DISC1: variants seen among roughly 807,000 people sequenced by gnomAD.
DISC1 encodes disrupted in schizophrenia 1 protein.
Under a neutral mutation model 84.5 loss-of-function variants are expected in DISC1, and 57 were observed. The ratio of observed to expected loss-of-function variants is 0.67; its 90% CI spans 0.55 to 0.84. The LOEUF is 0.84. DISC1 is among the 40% of genes least tolerant of loss of function. The pLI is 0.00. For missense variants in DISC1, 1,000 were observed against 1,057.8 expected, an observed-to-expected ratio of 0.95 and a Z score of 0.76; for synonymous variants, 411 against 415.2, an observed-to-expected ratio of 0.99 and a Z score of 0.12.
intron 1 of DISC1, among the ~76,000 whole-genome samples, chr1:231,663,266 C>T (rs2061711502): frequency 6.6e-6 from 1 of 152,118 alleles, no homozygotes; most frequent in African/African-American, 2.4e-5. Flanking sequence ...CTAGAAGATA[C>T]AACAATTCAA....
At chr1:231,673,291 C>T (rs1385179355) in intron 1 of DISC1, among the ~76,000 whole-genome samples, 1 of 152,142 alleles carries the variant, frequency 6.6e-6, no homozygotes, top group East Asian at 1.9e-4. Flanking sequence ...CACTCAGCAT[C>T]CTTTCCTTGG....
At chr1:231,722,808 C>A in intron 3 of DISC1, 8 of 1,447,562 alleles carry the variant, frequency 5.5e-6, no homozygotes, top group Non-Finnish European at 7.2e-6. Context: ...TTGAAAAAAA[C>A]CAGGTGGGCA....
rs1330328604 is a variant in DISC1 at position 232,004,686 on chromosome 1, C to T, written c.2043-4099C>T. 1.3e-5 allele frequency among the ~76,000 whole-genome samples: 2 copies of T among 152,092 alleles called. 1 individual carries two copies. The highest frequency in any genetic ancestry group is 2.9e-5 in the Non-Finnish European group (2 of 67,998). On this transcript the variant is annotated intron_variant, in intron 10 of 12. Transcript: ENST00000439617. Reference sequence around the variant, plus strand: ...GGAGAAATACAACTTCAAACGAGATCCCACCTTTTACCTATTAGATTGGCT... The same window carrying T: ...GGAGAAATACAACTTCAAACGAGATTCCACCTTTTACCTATTAGATTGGCT...
chr1:231,798,070 T>A lies in DISC1; in HGVS notation c.1690-2038T>A, dbSNP rs7556217. 7.8e-3 allele frequency among the ~76,000 whole-genome samples: 1,163 copies of A among 149,634 alleles called. 12 individuals carry two copies. Among genetic ancestry groups the A allele is most frequent in the African/African-American group, 0.027 (1,104 of 40,670 alleles). ...CAGTGACCATGAGCTGAGACCAAGG[T>A]CTCAGCTTGACATAGCTTTCTTTCT... On this transcript the variant is annotated intron_variant, in intron 7 of 12. Coordinates refer to ENST00000439617, the MANE Select transcript of DISC1 (RefSeq NM_018662.3).
chr1:231,747,563 G>T (rs944553320), intron 3 of DISC1, among the ~76,000 whole-genome samples: 1 of 152,156 alleles, frequency 6.6e-6, no homozygotes, highest in Non-Finnish European at 1.5e-5. Context: ...CCAAAAATCA[G>T]TTGACAGTAT....
At chr1:231,979,400 A>C (rs1454482688) in intron 10 of DISC1, among the ~76,000 whole-genome samples, 2 of 152,032 alleles carry the variant, frequency 1.3e-5, no homozygotes, top group Non-Finnish European at 2.9e-5. Flanking sequence ...ACTGCTGTAG[A>C]TGCTCAGAGC....
At chr1:231,702,381 A>G in intron 3 of DISC1, 14 of 1,014,784 alleles carry the variant, frequency 1.4e-5, no homozygotes, top group Non-Finnish European at 1.5e-5. Flanking sequence ...GCTAGGGAAT[A>G]TGGGAGACAA....
chr1:231,642,593 GT>G (rs1309034820), intron 1 of DISC1, among the ~76,000 whole-genome samples: 2 of 152,212 alleles, frequency 1.3e-5, no homozygotes, highest in African/African-American at 2.4e-5. Context: ...AGGAGTTACA[GT>G]TCTAGGCCCA....
At chr1:231,902,038 A>G (rs971952758) in intron 9 of DISC1, among the ~76,000 whole-genome samples, 2 of 151,352 alleles carry the variant, frequency 1.3e-5, no homozygotes, top group African/African-American at 4.9e-5. Context: ...ATACATAATT[A>G]TTAAACATAT....
chr1:231,945,532 C>T (rs1657000737), intron 9 of DISC1, among the ~76,000 whole-genome samples: 1 of 152,104 alleles, frequency 6.6e-6, no homozygotes, highest in Non-Finnish European at 1.5e-5. Context: ...AATTGACACC[C>T]TAGCATCAAA....
At chr1:231,878,672 G>A (rs1204844020) in intron 9 of DISC1, among the ~76,000 whole-genome samples, 1 of 152,050 alleles carries the variant, frequency 6.6e-6, no homozygotes, top group Non-Finnish European at 1.5e-5. Flanking sequence ...ATGCAAGAAA[G>A]CACCCATAGG....
At chr1:232,024,655 T>C (rs78561794) in intron 11 of DISC1, among the ~76,000 whole-genome samples, 17,461 of 151,954 alleles carry the variant, frequency 0.11, 1,663 homozygotes, top group East Asian at 0.43. Context: ...TGCAGTGGCA[T>C]GATCTCAGAT....
In DISC1 at chr1:231,690,520, C is replaced by T. The variant is rs1394787964; in HGVS notation, c.68-3306C>T. ...GAACCTCCTTCCGGAGCTGATTGCA[C>T]TTATGTGCTAGGAAAGGAGTATTTG... On this transcript the variant is annotated intron_variant, in intron 1 of 12. Transcript: ENST00000439617. Among the ~76,000 whole-genome samples the T allele has an allele frequency of 2.0e-5, 3 of 152,222 alleles. 1 individual carries two copies. The highest frequency in any genetic ancestry group is 6.5e-5 in the Admixed American group (1 of 15,282).
At chr1:231,932,997 G>A (rs1032501468) in intron 9 of DISC1, among the ~76,000 whole-genome samples, 1 of 152,184 alleles carries the variant, frequency 6.6e-6, no homozygotes, top group African/African-American at 2.4e-5. Flanking sequence ...GTGAAATGGA[G>A]GCTAATGGCC....
intron 3 of DISC1, among the ~76,000 whole-genome samples, chr1:231,716,454 T>G (rs547783768): frequency 6.6e-4 from 100 of 152,300 alleles, no homozygotes; most frequent in African/African-American, 2.3e-3. Flanking sequence ...ATCTGCAGTC[T>G]AAATTTCATG....
At chr1:231,787,025 G>A (rs972987360) in intron 6 of DISC1, among the ~76,000 whole-genome samples, 7 of 152,182 alleles carry the variant, frequency 4.6e-5, no homozygotes, top group African/African-American at 1.7e-4. Context: ...CAGAGAGCAA[G>A]GAAGGCGTTC....
chr1:231,906,870 C>G (rs1193006349), intron 9 of DISC1, among the ~76,000 whole-genome samples: 1 of 152,170 alleles, frequency 6.6e-6, no homozygotes, highest in East Asian at 1.9e-4. Context: ...TATATCCTCC[C>G]AGTCAATCCC....
chr1:231,987,077 C>G (rs1041479837), intron 10 of DISC1, among the ~76,000 whole-genome samples: 5 of 152,196 alleles, frequency 3.3e-5, no homozygotes, highest in Non-Finnish European at 7.3e-5. Context: ...ATCGTTCTCC[C>G]TACGTCAACT....
chr1:231,901,011 A>G (rs1413212163), intron 9 of DISC1, among the ~76,000 whole-genome samples: 1 of 152,206 alleles, frequency 6.6e-6, no homozygotes, highest in Non-Finnish European at 1.5e-5. Flanking sequence ...GCAAGGCAAT[A>G]TGGGAAGTGC....
Sources: gnomAD v4.1 joint callset for allele counts (sites outside exome capture counted in the v4.1 genomes callset) on GRCh38, gnomAD v4.1.1 for gene constraint, MANE v1.5 for transcripts, NCBI Gene and HGNC (gene_info 2026-07-23, HGNC 2026-07-21) for gene names.